PPP3CC: variants seen among roughly 807,000 people sequenced by gnomAD.
PPP3CC encodes serine/threonine-protein phosphatase 2B catalytic subunit gamma isoform.
Under a neutral mutation model 60.3 loss-of-function variants are expected in PPP3CC, and 35 were observed. That is an observed-to-expected ratio of 0.58 (90% CI 0.44 to 0.77). PPP3CC has a LOEUF of 0.77. Ranked by LOEUF, PPP3CC falls within the 30% of genes least tolerant of loss-of-function variation. The pLI is 0.00. For synonymous variants in PPP3CC, 206 were observed against 224.3 expected (o/e 0.92, Z 0.73); for missense variants, 570 against 628.9 (o/e 0.91, Z 1.00).
At chr8:22,485,051 CTTTTAG>C (rs1838184862) in intron 3 of PPP3CC, among the ~76,000 whole-genome samples, 1 of 151,982 alleles carries the variant, frequency 6.6e-6, no homozygotes. Flanking sequence ...TAACTGTGGT[CTTTTAG>C]TTTAAGGAAC....
chr8:22,502,742 G>A (rs1256355079), intron 4 of PPP3CC, among the ~76,000 whole-genome samples: 1 of 152,130 alleles, frequency 6.6e-6, no homozygotes, highest in Non-Finnish European at 1.5e-5. Flanking sequence ...ATGGAGAGAT[G>A]CTAAGATATT....
At chr8:22,481,241 A>T (rs1838056637) in intron 3 of PPP3CC, among the ~76,000 whole-genome samples, 1 of 152,042 alleles carries the variant, frequency 6.6e-6, no homozygotes, top group Admixed American at 6.5e-5. Context: ...AGGCTGAGGC[A>T]GGAGAATCAC....
chr8:22,480,774 C>T (rs975009838), intron 3 of PPP3CC, among the ~76,000 whole-genome samples: 2 of 152,152 alleles, frequency 1.3e-5, no homozygotes, highest in African/African-American at 4.8e-5. Flanking sequence ...CCACTGCAGC[C>T]AGCCCCAAAG....
chr8:22,477,976 A>G (rs1837946227), intron 3 of PPP3CC, among the ~76,000 whole-genome samples: 1 of 151,968 alleles, frequency 6.6e-6, no homozygotes, highest in African/African-American at 2.4e-5. Flanking sequence ...TCAGCCTCCC[A>G]AGTAGTTGGG....
In PPP3CC at chr8:22,540,731, A is replaced by T. The variant is rs148030191; in HGVS notation, c.1468A>T (p.Met490Leu). ...RKDSIHAGGPMKSVTSAHSHA... is the reference protein window; with the variant it reads ...RKDSIHAGGPLKSVTSAHSHA... ...GGATAGCATACACGCTGGTGGGCCAATGAAATCTGTAACCTCAGCACACTC... is the reference window on the plus strand; with the variant it reads ...GGATAGCATACACGCTGGTGGGCCATTGAAATCTGTAACCTCAGCACACTC... Residue 490 changes from methionine (M) to leucine (L), a missense_variant, in exon 14 of 14, where the codon ATG (methionine) becomes TTG (leucine). Transcript: ENST00000240139. 5.3e-5 allele frequency: 86 copies of T among 1,614,036 alleles called. No individual in the cohort carries two copies. The African/African-American group carries it at 1.0e-3, about 20-fold the overall frequency.
intron 6 of PPP3CC, among the ~76,000 whole-genome samples, chr8:22,515,004 T>C (rs1839205579): frequency 6.6e-6 from 1 of 152,114 alleles, no homozygotes; most frequent in Non-Finnish European, 1.5e-5. Flanking sequence ...AAATTTACAA[T>C]TAAATTATTA....
intron 1 of PPP3CC, among the ~76,000 whole-genome samples, chr8:22,444,354 G>A (rs1045314353): frequency 2.0e-5 from 3 of 152,072 alleles, no homozygotes; most frequent in African/African-American, 7.2e-5. Context: ...CATGTGAAAA[G>A]GTCAAGTTAA....
chr8:22,470,489 G>T (rs969903381), intron 1 of PPP3CC, among the ~76,000 whole-genome samples: 7 of 151,874 alleles, frequency 4.6e-5, no homozygotes, highest in African/African-American at 1.7e-4. Context: ...CATAAATAAA[G>T]ATCATTAAGA....
chr8:22,445,687 C>T (rs764531337), intron 1 of PPP3CC, among the ~76,000 whole-genome samples: 1 of 152,102 alleles, frequency 6.6e-6, no homozygotes, highest in Admixed American at 6.6e-5. Context: ...TTTATATTTT[C>T]AGTGGGGACA....
At chr8:22,471,276 C>A (rs573832412) in intron 1 of PPP3CC, among the ~76,000 whole-genome samples, 1 of 147,370 alleles carries the variant, frequency 6.8e-6, no homozygotes, top group Non-Finnish European at 1.5e-5. Context: ...ACTCCTTGAT[C>A]ATTCTTTTTT....
intron 12 of PPP3CC, among the ~76,000 whole-genome samples, chr8:22,533,401 A>AT (rs1309705009): frequency 6.6e-6 from 1 of 152,176 alleles, no homozygotes; most frequent in African/African-American, 2.4e-5. Context: ...ATGGAAGAAA[A>AT]TTTTTTGCAA....
At chr8:22,499,241 C>A (rs1427432880) in intron 4 of PPP3CC, among the ~76,000 whole-genome samples, 3 of 151,298 alleles carry the variant, frequency 2.0e-5, no homozygotes, top group African/African-American at 2.4e-5. Flanking sequence ...AGATCGAGAC[C>A]ATCCTGGCTA....
chr8:22,494,548 A>G (rs139476542), intron 3 of PPP3CC, among the ~76,000 whole-genome samples: 3 of 152,328 alleles, frequency 2.0e-5, no homozygotes, highest in African/African-American at 7.2e-5. Flanking sequence ...AGTGGTGTAT[A>G]CAATTGATTA....
At chr8:22,535,646 C>G (rs1246814020) in intron 12 of PPP3CC, among the ~76,000 whole-genome samples, 1 of 152,208 alleles carries the variant, frequency 6.6e-6, no homozygotes, top group East Asian at 1.9e-4. Flanking sequence ...CAGGCATGTG[C>G]CACTGTGCCT....
At chr8:22,446,917 C>T (rs1182030338) in intron 1 of PPP3CC, among the ~76,000 whole-genome samples, 1 of 150,236 alleles carries the variant, frequency 6.7e-6, no homozygotes, top group East Asian at 2.0e-4. Flanking sequence ...TTTGCTGCTA[C>T]TTAATTGCTA....
chr8:22,472,008 TC>T (rs1837737410), intron 1 of PPP3CC, among the ~76,000 whole-genome samples: 1 of 151,926 alleles, frequency 6.6e-6, no homozygotes, highest in Non-Finnish European at 1.5e-5. Context: ...ACACCTGTAG[TC>T]CCAGCTGAGG....
intron 1 of PPP3CC, among the ~76,000 whole-genome samples, chr8:22,459,668 TAAG>T (rs1049195495): frequency 6.6e-6 from 1 of 152,186 alleles, no homozygotes; most frequent in South Asian, 2.1e-4. Context: ...ATATATGTAT[TAAG>T]AAGAAGTACA....
At chr8:22,495,810 C>T (rs1001441271) in intron 3 of PPP3CC, among the ~76,000 whole-genome samples, 2 of 152,122 alleles carry the variant, frequency 1.3e-5, no homozygotes, top group African/African-American at 4.8e-5. Context: ...CTGCCTGCCT[C>T]TGCCTCCCAA....
chr8:22,536,026 C>G (rs1444145653), intron 12 of PPP3CC, among the ~76,000 whole-genome samples: 1 of 152,208 alleles, frequency 6.6e-6, no homozygotes, highest in Non-Finnish European at 1.5e-5. Context: ...GCCACCGTGC[C>G]CAGCCCTTTT....
Sources: gnomAD v4.1 joint callset for allele counts (sites outside exome capture counted in the v4.1 genomes callset) on GRCh38, gnomAD v4.1.1 for gene constraint, MANE v1.5 for transcripts, NCBI Gene and HGNC (gene_info 2026-07-23, HGNC 2026-07-21) for gene names.